Variants in NRG1 observed in about 807,000 individuals in gnomAD.
NRG1 encodes the protein pro-neuregulin-1, membrane-bound isoform.
A neutral mutation model predicts 63.8 loss-of-function variants in NRG1; 18 were observed. The observed-to-expected ratio is 0.28, with a 90% confidence interval of 0.19 to 0.42. The LOEUF is 0.42. Among genes scored for constraint, NRG1 ranks in the 10% least tolerant of loss-of-function variants. The pLI, the probability that NRG1 is intolerant of heterozygous loss-of-function variation, is 1.00. For missense variants in NRG1, 762 were observed against 814.7 expected, an observed-to-expected ratio of 0.94 and a Z score of 0.79; for synonymous variants, 302 against 301.3, an observed-to-expected ratio of 1.00 and a Z score of -0.02.
intron 1 of NRG1, among the ~76,000 whole-genome samples, chr8:31,680,452 C>T (rs1346894396): frequency 6.6e-6 from 1 of 151,952 alleles, no homozygotes. Context: ...TCATCCATGT[C>T]CCTACAAAGG....
intron 1 of NRG1, among the ~76,000 whole-genome samples, chr8:32,092,857 A>C (rs535562546): frequency 6.6e-6 from 1 of 152,244 alleles, no homozygotes; most frequent in Admixed American, 6.5e-5. Context: ...GGGAGTGAGG[A>C]TCTTTAGGCG....
chr8:32,624,993 A>T (rs370510059), intron 5 of NRG1, among the ~76,000 whole-genome samples: 1 of 152,196 alleles, frequency 6.6e-6, no homozygotes. Flanking sequence ...ATAATATTGT[A>T]TAGAAAACTC....
chr8:32,691,762 T>C (rs1210660124), intron 5 of NRG1, among the ~76,000 whole-genome samples: 1 of 152,216 alleles, frequency 6.6e-6, no homozygotes, highest in Non-Finnish European at 1.5e-5. Context: ...TGTGATTAAG[T>C]AGTTAAATTT....
At chr8:31,705,770 C>G (rs991581518) in intron 1 of NRG1, among the ~76,000 whole-genome samples, 4 of 152,144 alleles carry the variant, frequency 2.6e-5, no homozygotes, top group African/African-American at 9.7e-5. Flanking sequence ...CATTTTTCCA[C>G]CACTGAAGCT....
At chr8:32,755,836 T>G (rs1039398339) in intron 8 of NRG1, among the ~76,000 whole-genome samples, 3 of 151,910 alleles carry the variant, frequency 2.0e-5, no homozygotes, top group Admixed American at 6.6e-5. Flanking sequence ...TCCCCCTCCC[T>G]GGTTCAAGTG....
At chr8:32,044,868 A>G (rs905341709) in intron 1 of NRG1, among the ~76,000 whole-genome samples, 2 of 150,342 alleles carry the variant, frequency 1.3e-5, no homozygotes, top group African/African-American at 4.9e-5. Flanking sequence ...AAGTTCTCAA[A>G]TCAATAATAT....
At chr8:31,858,360 G>A (rs747723341) in intron 1 of NRG1, among the ~76,000 whole-genome samples, 3 of 151,626 alleles carry the variant, frequency 2.0e-5, no homozygotes, top group South Asian at 4.1e-4. Flanking sequence ...ATGATCGTTC[G>A]ACATTTGAAG....
intron 1 of NRG1, among the ~76,000 whole-genome samples, chr8:32,111,496 G>T (rs955256847): frequency 1.3e-5 from 2 of 152,100 alleles, no homozygotes; most frequent in South Asian, 4.1e-4. Context: ...GTATTCAAGT[G>T]GTACCTCCAC....
intron 1 of NRG1, among the ~76,000 whole-genome samples, chr8:32,283,310 T>C (rs1397049460): frequency 1.3e-5 from 2 of 152,214 alleles, no homozygotes; most frequent in African/African-American, 4.8e-5. Context: ...TTCTCCCAAA[T>C]TTTTTCTACT....
intron 1 of NRG1, among the ~76,000 whole-genome samples, chr8:32,533,202 C>T (rs1831631628): frequency 1.3e-5 from 2 of 151,730 alleles, no homozygotes; most frequent in African/African-American, 4.8e-5. Context: ...AAAATGATAA[C>T]ATTTGAAGAC....
rs138921277 is a variant in NRG1, at chr8:32,536,419, G to T, written c.38-59409G>T. 4.1e-3 allele frequency among the ~76,000 whole-genome samples: 618 copies of T among 152,272 alleles called. 4 individuals carry two copies. The highest frequency in any genetic ancestry group is 5.9e-3 in the Non-Finnish European group (399 of 68,016). On this transcript the variant is annotated intron_variant, in intron 1 of 10. Transcript: ENST00000519301. Reference sequence around the variant, plus strand: ...GCCAATAGGAGAATATTTCTCTTCAGGAAAGGTTCACTCCCTTTTTAAGGA... The same window carrying T: ...GCCAATAGGAGAATATTTCTCTTCATGAAAGGTTCACTCCCTTTTTAAGGA...
intron 1 of NRG1, among the ~76,000 whole-genome samples, chr8:31,643,450 T>C (rs1274392484): frequency 6.6e-6 from 1 of 152,210 alleles, no homozygotes; most frequent in Non-Finnish European, 1.5e-5. Context: ...AAATCTTTCC[T>C]CTTGAAATTC....
chr8:32,551,669 C>A (rs1464137538), intron 1 of NRG1, among the ~76,000 whole-genome samples: 12 of 152,176 alleles, frequency 7.9e-5, no homozygotes, highest in Non-Finnish European at 1.6e-4. Context: ...ATGTTCAACA[C>A]AATTATCTAT....
intron 1 of NRG1, among the ~76,000 whole-genome samples, chr8:32,390,167 T>C (rs905955225): frequency 4.6e-5 from 7 of 152,184 alleles, no homozygotes; most frequent in African/African-American, 1.7e-4. Flanking sequence ...CGCCATGTTC[T>C]CCTGGGGTCT....
intron 1 of NRG1, among the ~76,000 whole-genome samples, chr8:32,038,002 C>T (rs189829583): frequency 6.6e-6 from 1 of 152,332 alleles, no homozygotes; most frequent in Non-Finnish European, 1.5e-5. Context: ...TCTCCTGCCT[C>T]CTTAGTTTTC....
chr8:32,650,417 G>C (rs1854770379), intron 5 of NRG1, among the ~76,000 whole-genome samples: 1 of 151,990 alleles, frequency 6.6e-6, no homozygotes, highest in Non-Finnish European at 1.5e-5. Context: ...CAGTTAGTTG[G>C]TTAAGACTTT....
At chr8:32,083,389 G>A (rs1387321197) in intron 1 of NRG1, among the ~76,000 whole-genome samples, 1 of 152,224 alleles carries the variant, frequency 6.6e-6, no homozygotes, top group Non-Finnish European at 1.5e-5. Context: ...CAAAGAGTTA[G>A]AGATTGTGTA....
At chr8:31,853,401 G>A (rs1162555672) in intron 1 of NRG1, among the ~76,000 whole-genome samples, 10 of 149,528 alleles carry the variant, frequency 6.7e-5, no homozygotes, top group Non-Finnish European at 1.0e-4. Context: ...CTCATGATTT[G>A]GCTCTCTGTT....
chr8:32,749,533 T>C, intron 7 of NRG1: 2 of 1,613,502 alleles, frequency 1.2e-6, no homozygotes, highest in Non-Finnish European at 1.7e-6. Flanking sequence ...CTTTCTTTCT[T>C]TTTTTTGTCA....
Sources: allele counts gnomAD v4.1 joint callset (sites outside exome capture counted in the v4.1 genomes callset), GRCh38; gene constraint gnomAD v4.1.1; transcripts MANE v1.5; gene names NCBI Gene and HGNC (gene_info 2026-07-23, HGNC 2026-07-21).